The following TFB1M variants were observed in gnomAD, a reference collection of about 807,000 sequenced individuals.
The protein encoded by TFB1M is dimethyladenosine transferase 1, mitochondrial.
Under a neutral mutation model 31.1 loss-of-function variants are expected in TFB1M, and 27 were observed. The ratio of observed to expected loss-of-function variants is 0.87; its 90% CI spans 0.64 to 1.20. The LOEUF is 1.20. TFB1M is among the 50% of genes most tolerant of loss of function. The probability of loss-of-function intolerance (pLI) is 0.00; values close to 1 mark genes in which losing one functional copy is unlikely to be tolerated. For synonymous variants in TFB1M, 166 were observed against 151.8 expected (o/e 1.09, Z -0.69); for missense variants, 394 against 418.7 (o/e 0.94, Z 0.51).
the TFB1M span, chr6:155,245,768 T>TTTTG: frequency 2.1e-6 from 3 of 1,441,044 alleles, no homozygotes; most frequent in Non-Finnish European, 1.9e-6. Context: ...TTTTTTTTTT[T>TTTTG]TTGCATTTTT....
At chr6:155,306,756 G>A (rs1777782757) in intron 2 of TFB1M, among the ~76,000 whole-genome samples, 1 of 152,168 alleles carries the variant, frequency 6.6e-6, no homozygotes, top group Non-Finnish European at 1.5e-5. Context: ...AAAGAAACAT[G>A]AGGAATCCTG....
Position 155,279,213 on chromosome 6 carries a change from C to CTT in TFB1M, c.666+5943_666+5944dup, listed in dbSNP as rs11400763. On this transcript the variant is annotated intron_variant, in intron 5 of 6. Transcript: ENST00000367166. ...AACCCAAAAGACCAAAAATATCATA[C>CTT]TTTTTTTTTTTTTAACCTGTGGAGC... is the stretch of plus-strand genomic sequence containing the variant. 1.9e-3 allele frequency among the ~76,000 whole-genome samples: 287 copies of CTT among 147,792 alleles called. 1 individual carries two copies. In the East Asian group the frequency reaches 0.024, roughly 12 times the overall value.
chr6:155,296,203 G>A (rs1418199022), intron 4 of TFB1M, among the ~76,000 whole-genome samples: 1 of 151,906 alleles, frequency 6.6e-6, no homozygotes, highest in Non-Finnish European at 1.5e-5. Flanking sequence ...TTTATATACT[G>A]AATAATGAGA....
chr6:155,256,393 AATGTT>A lies in TFB1M; in HGVS notation c.*1438_*1442del. ...AAGTCATATCATAAAATAAAATCTT[AATGTT>A]AAATCTTACACAAGCTTTGAGGCAA... is the stretch of plus-strand genomic sequence containing the variant. On this transcript the variant is annotated 3_prime_UTR_variant, in exon 7 of 7. Transcript: ENST00000367166. 1 of 1,552,378 alleles carries A rather than the reference AATGTT, an allele frequency of 6.4e-7. No homozygotes were observed. The highest frequency in any genetic ancestry group is 8.7e-7 in the Non-Finnish European group (1 of 1,145,480).
intron 4 of TFB1M, among the ~76,000 whole-genome samples, chr6:155,285,560 T>C (rs906144985): frequency 6.6e-6 from 1 of 152,238 alleles, no homozygotes; most frequent in African/African-American, 2.4e-5. Context: ...ACCACTGTTA[T>C]ATTCTATAGC....
intron 5 of TFB1M, chr6:155,275,825 G>A (rs758157483): frequency 1.9e-6 from 3 of 1,614,132 alleles, no homozygotes; most frequent in South Asian, 2.2e-5. Context: ...GAATGTGGAT[G>A]TGGACTCCAA....
intron 4 of TFB1M, among the ~76,000 whole-genome samples, chr6:155,291,058 A>T (rs2114758953): frequency 6.6e-6 from 1 of 152,266 alleles, no homozygotes; most frequent in South Asian, 2.1e-4. Context: ...CTGAAAAATG[A>T]TTCAATCTGA....
chr6:155,258,217 C>CTCTT (rs1382021625), intron 6 of TFB1M, 135 bp from the exon 7 acceptor site: 2 of 1,108,758 alleles, frequency 1.8e-6, no homozygotes, highest in Non-Finnish European at 2.6e-6. Context: ...TGGCAGGAGC[C>CTCTT]TCTTGGATTA....
intron 4 of TFB1M, among the ~76,000 whole-genome samples, chr6:155,293,587 T>G (rs537520687): frequency 6.6e-6 from 1 of 152,304 alleles, no homozygotes; most frequent in South Asian, 2.1e-4. Flanking sequence ...TATACAGAAT[T>G]CTTGGAAAAA....
At chr6:155,270,763 G>A (rs868464889) in intron 5 of TFB1M, among the ~76,000 whole-genome samples, 5 of 152,138 alleles carry the variant, frequency 3.3e-5, no homozygotes, top group Non-Finnish European at 5.9e-5. Context: ...CAACCATGGC[G>A]ACCAGCGAAA....
the TFB1M span, among the ~76,000 whole-genome samples, chr6:155,247,604 G>C: frequency 6.6e-6 from 1 of 152,180 alleles, no homozygotes; most frequent in Non-Finnish European, 1.5e-5. Context: ...CTGGGATTAC[G>C]GGCGTGAGCC....
At chr6:155,255,453 G>A (rs563032269), downstream of TFB1M, 8 of 151,918 alleles carry the variant, frequency 5.3e-5, no homozygotes, top group Non-Finnish European at 1.2e-4. Context: ...GTAAAACTTC[G>A]CTTTTTCATG....
Position 155,298,596 on chromosome 6 carries a change from A to G in TFB1M, c.286-11T>C. The G allele has an allele frequency of 6.4e-7, 1 of 1,563,122 alleles. No individual in the cohort carries two copies. ...TGCATCAGAAAGCATCTAGTTTATA[A>G]AAAGATCAGTAAAATGAGCTCATAT... On this transcript the variant is annotated splice_polypyrimidine_tract_variant and intron_variant, in intron 2 of 6. Transcript: ENST00000367166.
chr6:155,306,095 C>T (rs1254918505), intron 2 of TFB1M, among the ~76,000 whole-genome samples: 1 of 151,908 alleles, frequency 6.6e-6, no homozygotes, highest in Non-Finnish European at 1.5e-5. Context: ...ATAAGCACAT[C>T]GTATGTCCAG....
intron 5 of TFB1M, among the ~76,000 whole-genome samples, chr6:155,265,943 G>A (rs559881031): frequency 4.0e-5 from 6 of 151,866 alleles, no homozygotes; most frequent in East Asian, 1.9e-4. Context: ...CATCCAGCAC[G>A]TGAGAAAAGA....
intron 2 of TFB1M, among the ~76,000 whole-genome samples, chr6:155,298,874 TTTAGCAATAAAC>T (rs1777301509): frequency 6.6e-6 from 1 of 152,202 alleles, no homozygotes; most frequent in Non-Finnish European, 1.5e-5. Flanking sequence ...TCTATATAGA[TTTAGCAATAAAC>T]TCACTCCTAT....
chr6:155,245,825 T>C, the TFB1M span: 1 of 867,634 alleles, frequency 1.2e-6, no homozygotes, highest in Middle Eastern at 2.9e-4. Context: ...AGAGAGTAAG[T>C]ACAATTTTGA....
At position 155,311,267 on chromosome 6, in the gene TFB1M, A is replaced by AT. The variant is rs1311415116; in HGVS notation, c.205dup (p.Ile69AsnfsTer7). 2 of 1,613,970 alleles carry AT rather than the reference A, an allele frequency of 1.2e-6. No homozygotes were observed. The highest frequency in any genetic ancestry group is 1.3e-5 in the African/African-American group (1 of 74,920). On this transcript the variant is annotated frameshift_variant, in exon 2 of 7. Transcript: ENST00000367166. LOFTEE classifies it high-confidence loss of function. ...GTCGGCATTAAGAATAGATCTTGTG[A>AT]TTCCCCCTGGCCCAGGGCCCACTTC...
intron 5 of TFB1M, among the ~76,000 whole-genome samples, chr6:155,272,988 G>T (rs1785004106): frequency 6.6e-6 from 1 of 152,200 alleles, no homozygotes; most frequent in Admixed American, 6.5e-5. Flanking sequence ...GAAAGAGAGA[G>T]GGAGAGAGAA....
Sources: allele counts gnomAD v4.1 joint callset (sites outside exome capture counted in the v4.1 genomes callset), GRCh38; gene constraint gnomAD v4.1.1; transcripts MANE v1.5; gene names NCBI Gene and HGNC (gene_info 2026-07-23, HGNC 2026-07-21).